Variants in COQ4 observed in about 807,000 individuals in gnomAD.
The protein encoded by COQ4 is coenzyme Q4, also known as ubiquinone biosynthesis protein COQ4 homolog, mitochondrial.
Under a neutral mutation model 30.2 loss-of-function variants are expected in COQ4, and 36 were observed. The observed-to-expected ratio is 1.19, with a 90% confidence interval of 0.91 to 1.57. COQ4 has a LOEUF of 1.57. Ranked by LOEUF, COQ4 falls within the 40% of genes most tolerant of loss-of-function variation. COQ4 has a pLI of 0.00. For synonymous variants in COQ4, 197 were observed against 161.0 expected (o/e 1.22, Z -1.69); for missense variants, 369 against 371.9 (o/e 0.99, Z 0.07).
chr9:128,326,285 C>A, intron 4 of COQ4: 1 of 292,532 alleles, frequency 3.4e-6, no homozygotes, highest in Non-Finnish European at 6.4e-6. Flanking sequence ...ATGCTCTTCA[C>A]TGCTGTACTG....
chr9:128,329,017 A>G (rs1485734316), intron 4 of COQ4, among the ~76,000 whole-genome samples: 1 of 152,210 alleles, frequency 6.6e-6, no homozygotes, highest in Non-Finnish European at 1.5e-5. Context: ...ATAAAGGTTC[A>G]AGGTGAGGCT....
At chr9:128,333,379 T>G in intron 6 of COQ4, 95 bp from the exon 7 acceptor site, 1 of 1,164,082 alleles carries the variant, frequency 8.6e-7, no homozygotes, top group South Asian at 1.8e-5. Context: ...TCCGAGGCCT[T>G]TGTGAGGATG....
intron 5 of COQ4, 74 bp downstream of exon 5, chr9:128,332,356 A>C: frequency 5.2e-6 from 8 of 1,524,048 alleles, no homozygotes; most frequent in African/African-American, 1.4e-5. Context: ...GCCTATCTCC[A>C]CCACCCTCTG....
intron 4 of COQ4, among the ~76,000 whole-genome samples, chr9:128,330,261 T>A: frequency 6.7e-6 from 1 of 150,338 alleles, no homozygotes; most frequent in East Asian, 2.0e-4. Context: ...TAATCCTAGC[T>A]ACTCAGGAAG....
At position 128,332,238 on chromosome 9, in the gene COQ4, A is replaced by T; in HGVS notation, c.488A>T (p.His163Leu). The part of the protein sequence containing the change: ...AYVIQRYREV[H>L]DMLHTLLGMP... Reference sequence around the variant, plus strand: ...GTGATTCAGCGGTACCGGGAGGTGCACGACATGCTTCACACCCTGCTGGGG... The same window carrying T: ...GTGATTCAGCGGTACCGGGAGGTGCTCGACATGCTTCACACCCTGCTGGGG... The change falls in exon 5 of 7, where the codon CAC becomes CTC. Residue 163 changes from histidine (H) to leucine (L), a missense_variant. Physicochemically the swap from His to Leu is moderately conservative, Grantham distance 99. Transcript: ENST00000300452. 6.2e-7 allele frequency: 1 copy of T among 1,613,484 alleles called. No individual in the cohort carries two copies. The highest frequency in any genetic ancestry group is 8.5e-7 in the Non-Finnish European group (1 of 1,179,874).
intron 2 of COQ4, 28 bp downstream of exon 2, chr9:128,323,175 G>T: frequency 6.4e-7 from 1 of 1,563,248 alleles, no homozygotes. Context: ...TCGCCCCCGT[G>T]GGGGCGGCTT....
rs1487230255 is a variant in COQ4, at chr9:128,333,878, GA to G, written c.*235del. 1 of 391,454 alleles carries G rather than the reference GA, an allele frequency of 2.6e-6. No individual in the cohort carries two copies. The highest frequency in any genetic ancestry group is 2.1e-5 in the African/African-American group (1 of 47,868). 24.2% of individuals were successfully genotyped at this position (391,454 alleles called of 1,614,324 possible). A position where few individuals can be genotyped will look rare whatever the true frequency, so the allele number is the denominator to read the frequency against. On this transcript the variant is annotated 3_prime_UTR_variant, in exon 7 of 7. Transcript: ENST00000300452. ...CAGCTACCCAAGGAGAACCATGCATGAACAGTATCAGTCGTCTGGGCTCATG... is the reference window on the plus strand; with the variant it reads ...CAGCTACCCAAGGAGAACCATGCATGACAGTATCAGTCGTCTGGGCTCATG...
chr9:128,325,994 C>T, intron 4 of COQ4, 113 bp downstream of exon 4: 1 of 906,214 alleles, frequency 1.1e-6, no homozygotes, highest in South Asian at 1.4e-5. Context: ...GGCAGGAGTG[C>T]TCTTCAGGCT....
At chr9:128,323,188 A>G (rs772818595) in intron 2 of COQ4, 41 bp downstream of exon 2, 3 of 1,536,800 alleles carry the variant, frequency 2.0e-6, no homozygotes, top group Non-Finnish European at 2.6e-6. Context: ...GGCGGCTTGG[A>G]GCCGTTTCCT....
Position 128,332,292 on chromosome 9 carries a change from CCCAA to C in COQ4, c.532+13_532+16del, listed in dbSNP as rs777621441. The C allele has an allele frequency of 6.2e-7, 1 of 1,611,396 alleles. No homozygotes were observed. Among genetic ancestry groups the C allele is most frequent in the South Asian group, 1.1e-5 (1 of 90,654 alleles). ...CCCACCAACATCCTGGGTGAGTGCC[CCCAA>C]CCCTGATGGCCTGTCTCCCTGGGGT... On this transcript the variant is annotated intron_variant, in intron 5 of 6. Coordinates refer to ENST00000300452, the MANE Select transcript of COQ4 (RefSeq NM_016035.5).
chr9:128,325,985 G>A (rs1832314008), intron 4 of COQ4, 104 bp downstream of exon 4: 1 of 1,004,558 alleles, frequency 1.0e-6, no homozygotes, highest in South Asian at 1.3e-5. Context: ...GCCACCATTG[G>A]CAGGAGTGCT....
chr9:128,332,484 C>A, intron 5 of COQ4: 1 of 619,432 alleles, frequency 1.6e-6, no homozygotes, highest in Non-Finnish European at 2.8e-6. Flanking sequence ...AATGGAGCAG[C>A]AGAGCCCATC....
At chr9:128,330,698 C>A (rs1832392120) in intron 4 of COQ4, 1 of 152,018 alleles carries the variant, frequency 6.6e-6, no homozygotes. Flanking sequence ...TTGAGCTCCT[C>A]AGGTGATCCG....
intron 4 of COQ4, among the ~76,000 whole-genome samples, chr9:128,326,786 G>A (rs1160017170): frequency 6.6e-6 from 1 of 151,820 alleles, no homozygotes; most frequent in Non-Finnish European, 1.5e-5. Flanking sequence ...GTCCCGCTCT[G>A]CCACCCAGGC....
Position 128,325,853 on chromosome 9 carries a change from G to A in COQ4, c.374G>A (p.Arg125His), listed in dbSNP as rs752897625. 1.4e-5 allele frequency: 22 copies of A among 1,614,028 alleles called. No homozygotes were observed. Among genetic ancestry groups the A allele is most frequent in the East Asian group, 2.2e-5 (1 of 44,892 alleles). ...LQSLPEGSLG[R>H]EYLRFLDVNR... is the part of the protein sequence containing the mutation. ...AGCCTGCCGGAAGGCTCCCTCGGTCGCGAGTATCTCCGTTTCCTGGATGTG... is the reference window on the plus strand; with the variant it reads ...AGCCTGCCGGAAGGCTCCCTCGGTCACGAGTATCTCCGTTTCCTGGATGTG... Residue 125 changes from arginine (R) to histidine (H), a missense_variant, in exon 4 of 7, where the codon CGC (arginine) becomes CAC (histidine). Transcript: ENST00000300452.
chr9:128,324,612 A>G (rs1483378731), intron 2 of COQ4, among the ~76,000 whole-genome samples: 1 of 152,152 alleles, frequency 6.6e-6, no homozygotes. Context: ...CCAAAGTTCA[A>G]GACCAGCCTG....
rs144047382 is a variant in COQ4 at position 128,332,209 on chromosome 9, G to A, written c.459G>A (p.Ala153=). 8.7e-6 allele frequency: 14 copies of A among 1,610,882 alleles called. No homozygotes were observed. In the African/African-American group the frequency reaches 9.4e-5, roughly 11 times the overall value. ...PTRFVDDEEL[A]YVIQRYREVH... is the part of the protein sequence containing the mutation. Reference sequence around the variant, plus strand: ...GCTTCGTGGATGATGAGGAGCTAGCGTATGTGATTCAGCGGTACCGGGAGG... The same window carrying A: ...GCTTCGTGGATGATGAGGAGCTAGCATATGTGATTCAGCGGTACCGGGAGG... The change falls in exon 5 of 7, where the codon GCG becomes GCA. Residue 153 remains alanine, a synonymous_variant. Transcript: ENST00000300452.
rs373644120 is a variant in COQ4 at position 128,332,173 on chromosome 9, A to G, written c.423A>G (p.Arg141=). 2 of 1,582,002 alleles carry G rather than the reference A, an allele frequency of 1.3e-6. No homozygotes were observed. Among genetic ancestry groups the G allele is most frequent in the African/African-American group, 2.7e-5 (2 of 74,326 alleles). ...LDVNRVSPDT[R]APTRFVDDEE... is the part of the protein sequence containing the mutation. ...GTCAGAGGGTCTCCCCAGACACCCG[A>G]GCACCCACCCGCTTCGTGGATGATG... Residue 141 remains arginine, a synonymous_variant, in exon 5 of 7, where the codon CGA becomes CGG. Coordinates refer to ENST00000300452, the MANE Select transcript of COQ4 (RefSeq NM_016035.5).
chr9:128,325,991 G>GCCTGAAGAGCACTCC, intron 4 of COQ4, 110 bp downstream of exon 4: 1 of 950,974 alleles, frequency 1.1e-6, no homozygotes, highest in Non-Finnish European at 1.7e-6. Context: ...ATTGGCAGGA[G>GCCTGAAGAGCACTCC]TGCTCTTCAG....
Sources: allele counts gnomAD v4.1 joint callset (sites outside exome capture counted in the v4.1 genomes callset), GRCh38; gene constraint gnomAD v4.1.1; transcripts MANE v1.5; gene names NCBI Gene and HGNC (gene_info 2026-07-23, HGNC 2026-07-21).